Variants in CSGALNACT1 observed in about 807,000 individuals in gnomAD.
The protein encoded by CSGALNACT1 is chondroitin sulfate N-acetylgalactosaminyltransferase 1, also known as beta4GalNAcT-1.
In CSGALNACT1, 52 loss-of-function variants were observed where a neutral mutation model predicts 51.0. The observed-to-expected ratio is 1.02, with a 90% CI of 0.82 to 1.29. The LOEUF (loss-of-function observed/expected upper bound fraction) is 1.29. Ranked by LOEUF, CSGALNACT1 falls within the 50% of genes most tolerant of loss-of-function variation. The pLI is 0.00. For missense variants in CSGALNACT1, 935 were observed against 679.2 expected (o/e 1.38, Z -4.19); for synonymous variants, 341 against 254.4 (o/e 1.34, Z -3.24).
intron 9 of CSGALNACT1, among the ~76,000 whole-genome samples, chr8:19,408,131 C>T (rs1465561257): frequency 1.3e-5 from 2 of 152,138 alleles, no homozygotes; most frequent in Non-Finnish European, 2.9e-5. Context: ...CAGGACCCCG[C>T]TGGGAGGAGG....
rs145316680 is a variant in CSGALNACT1 at position 19,690,694 on chromosome 8, A to G, written c.-297+67156T>C. Reference sequence around the variant, plus strand: ...GCAGTTTGCAGATGGAGCAATAACGATACTCTGAATTAATAATATGTGATT... The same window carrying G: ...GCAGTTTGCAGATGGAGCAATAACGGTACTCTGAATTAATAATATGTGATT... On this transcript the variant is annotated intron_variant, in intron 1 of 1. Transcript: ENST00000517494. Among the ~76,000 whole-genome samples, 33 of 152,324 alleles carry G rather than the reference A, an allele frequency of 2.2e-4. 1 individual carries two copies. Among genetic ancestry groups the G allele is most frequent in the African/African-American group, 7.9e-4 (33 of 41,576 alleles).
At chr8:19,587,476 C>A (rs989354620) in intron 3 of CSGALNACT1, among the ~76,000 whole-genome samples, 2 of 152,190 alleles carry the variant, frequency 1.3e-5, no homozygotes, top group African/African-American at 4.8e-5. Flanking sequence ...CCAAACATCT[C>A]AATCCTTTTC....
At chr8:19,685,866 C>T (rs938980297), upstream of CSGALNACT1, among the ~76,000 whole-genome samples, 2 of 152,288 alleles carry the variant, frequency 1.3e-5, no homozygotes, top group African/African-American at 4.8e-5. Context: ...TTAAGTTCTA[C>T]TTCTGCTAGT....
At chr8:19,582,153 C>T (rs767415093) in intron 3 of CSGALNACT1, among the ~76,000 whole-genome samples, 22 of 152,108 alleles carry the variant, frequency 1.4e-4, no homozygotes, top group African/African-American at 3.1e-4. Context: ...TCAGGAGGGC[C>T]GTGGCTATAA....
In CSGALNACT1 at chr8:19,650,611, G is replaced by C. The variant is rs11995758; in HGVS notation, c.-544+31862C>G. Among the ~76,000 whole-genome samples, 624 of 152,306 alleles carry C rather than the reference G, an allele frequency of 4.1e-3. 3 individuals carry two copies. Among genetic ancestry groups the C allele is most frequent in the African/African-American group, 0.014 (572 of 41,560 alleles). ...TGGTCCTGGTTCCCAAGACCATCAG[G>C]TGTGGAGACAGCATGCCAGAGGCCA... On this transcript the variant is annotated intron_variant, in intron 1 of 9. Coordinates refer to the CSGALNACT1 transcript ENST00000332246.
intron 3 of CSGALNACT1, among the ~76,000 whole-genome samples, chr8:19,559,092 A>G (rs2040130776): frequency 6.6e-6 from 1 of 152,210 alleles, no homozygotes; most frequent in Non-Finnish European, 1.5e-5. Context: ...TCAGAATGAA[A>G]TTAAACATTT....
intron 5 of CSGALNACT1, among the ~76,000 whole-genome samples, chr8:19,446,161 C>T (rs555166465): frequency 3.3e-5 from 5 of 152,126 alleles, no homozygotes; most frequent in South Asian, 2.1e-4. Context: ...GGCGACAGAG[C>T]GAGACTCCAT....
intron 4 of CSGALNACT1, among the ~76,000 whole-genome samples, chr8:19,468,064 AAACAG>A (rs1304856586): frequency 6.6e-6 from 1 of 152,240 alleles, no homozygotes; most frequent in African/African-American, 2.4e-5. Context: ...AAAGACAGGT[AAACAG>A]AACAGGACTC....
chr8:19,566,053 T>A (rs1212105770), intron 3 of CSGALNACT1, among the ~76,000 whole-genome samples: 1 of 152,228 alleles, frequency 6.6e-6, no homozygotes, highest in Non-Finnish European at 1.5e-5. Context: ...GAAAAAGATG[T>A]ATCTGTCTCC....
At chr8:19,684,068 A>G (rs2060824125), upstream of CSGALNACT1, among the ~76,000 whole-genome samples, 1 of 152,210 alleles carries the variant, frequency 6.6e-6, no homozygotes, top group South Asian at 2.1e-4. Flanking sequence ...TGGGAGGCTG[A>G]AGCAGGAGAA....
chr8:19,591,116 C>T (rs567094513), intron 3 of CSGALNACT1: 5 of 152,300 alleles, frequency 3.3e-5, no homozygotes, highest in African/African-American at 9.6e-5. Context: ...GGTTCTTTTT[C>T]ACAGAGCTGA....
upstream of CSGALNACT1, chr8:19,682,924 T>A (rs1313814928): frequency 2.9e-6 from 1 of 339,862 alleles, no homozygotes; most frequent in Non-Finnish European, 5.9e-6. Flanking sequence ...GAAATCCCAA[T>A]TACCTGTACT....
chr8:19,695,016 C>G (rs915362590), intron 1 of CSGALNACT1, among the ~76,000 whole-genome samples: 2 of 152,120 alleles, frequency 1.3e-5, no homozygotes, highest in Admixed American at 6.5e-5. Context: ...CACAGGCCCC[C>G]CATCTACAGC....
intron 3 of CSGALNACT1, among the ~76,000 whole-genome samples, chr8:19,536,045 G>A (rs1256944608): frequency 1.3e-5 from 2 of 152,100 alleles, no homozygotes; most frequent in African/African-American, 4.8e-5. Flanking sequence ...CATTTTTGCA[G>A]AAGACATGAT....
intron 1 of CSGALNACT1, among the ~76,000 whole-genome samples, chr8:19,751,252 C>G (rs2065008687): frequency 6.6e-6 from 1 of 152,126 alleles, no homozygotes; most frequent in African/African-American, 2.4e-5. Flanking sequence ...GACTTGCTTC[C>G]TAAATCTTAG....
chr8:19,603,808 A>G (rs911111818), upstream of CSGALNACT1, among the ~76,000 whole-genome samples: 12 of 152,202 alleles, frequency 7.9e-5, no homozygotes, highest in Non-Finnish European at 1.8e-4. Context: ...AATCTACATA[A>G]TCCAAAACCA....
At chr8:19,406,470 A>G (rs1235698399) in intron 9 of CSGALNACT1, among the ~76,000 whole-genome samples, 1 of 152,058 alleles carries the variant, frequency 6.6e-6, no homozygotes, top group Non-Finnish European at 1.5e-5. Context: ...TTGTATATTT[A>G]AAAATAGCTA....
At chr8:19,729,188 A>G (rs1027176028) in intron 1 of CSGALNACT1, among the ~76,000 whole-genome samples, 1 of 152,072 alleles carries the variant, frequency 6.6e-6, no homozygotes, top group African/African-American at 2.4e-5. Flanking sequence ...AAATTAATAC[A>G]TACACTCAGA....
At chr8:19,469,673 T>G (rs2067635964) in intron 4 of CSGALNACT1, among the ~76,000 whole-genome samples, 1 of 152,218 alleles carries the variant, frequency 6.6e-6, no homozygotes, top group South Asian at 2.1e-4. Flanking sequence ...TCCTACCATG[T>G]AGGTCTCCGC....
Sources: allele counts gnomAD v4.1 joint callset (sites outside exome capture counted in the v4.1 genomes callset), GRCh38; gene constraint gnomAD v4.1.1; transcripts MANE v1.5; gene names NCBI Gene and HGNC (gene_info 2026-07-23, HGNC 2026-07-21).